The following EMC10 variants were observed in gnomAD, a reference collection of about 807,000 sequenced individuals.
EMC10 encodes the protein UPF0510 protein INM02.
A neutral mutation model predicts 32.2 loss-of-function variants in EMC10; 40 were observed. That is an observed-to-expected ratio of 1.24 (90% CI 0.96 to 1.61). The LOEUF (loss-of-function observed/expected upper bound fraction) is 1.61, where lower values mean the gene tolerates loss of function less well. Ranked by LOEUF, EMC10 falls within the 40% of genes most tolerant of loss-of-function variation. EMC10 has a pLI of 0.00. For missense variants in EMC10, 402 were observed against 357.7 expected (o/e 1.12, Z -1.00); for synonymous variants, 178 against 158.4 (o/e 1.12, Z -0.93).
chr19:50,479,261 C>T (rs1253038341), intron 3 of EMC10, among the ~76,000 whole-genome samples, 195 bp downstream of exon 3: 1 of 152,254 alleles, frequency 6.6e-6, no homozygotes, highest in Non-Finnish European at 1.5e-5. Flanking sequence ...TTAGCGCCGC[C>T]AGGCATGGTG....
Position 50,478,950 on chromosome 19 carries a change from C to A in EMC10, c.188-7C>A. The A allele has an allele frequency of 6.3e-7, 1 of 1,597,320 alleles. No homozygotes were observed. Among genetic ancestry groups the A allele is most frequent in the East Asian group, 2.3e-5 (1 of 44,000 alleles). On this transcript the variant is annotated splice_region_variant and splice_polypyrimidine_tract_variant and intron_variant, in intron 2 of 6. Transcript: ENST00000334976. ...AGGGGGCGTCTCTGAACCTGAGCTC[C>A]TCACAGATGACAGTGCCAACTTCCG...
chr19:50,483,201 G>T lies in EMC10; in HGVS notation c.*942G>T. 1 of 445,346 alleles carries T rather than the reference G, an allele frequency of 2.2e-6. No individual in the cohort carries two copies. The highest frequency in any genetic ancestry group is 4.5e-6 in the Non-Finnish European group (1 of 219,920). The allele number at this position is 445,346 out of a possible 1,614,324, so 27.6% of individuals were successfully genotyped here. A position where few individuals can be genotyped will look rare whatever the true frequency, so the allele number is the denominator to read the frequency against. ...AAGCAACTGTTGTTTTGGCAAGACG[G>T]TCCTGATGTACAAGCTTGATTGAAA... On this transcript the variant is annotated 3_prime_UTR_variant, in exon 7 of 7. Coordinates refer to ENST00000334976, the MANE Select transcript of EMC10 (RefSeq NM_206538.4).
In EMC10 at chr19:50,484,934, T is replaced by C. The variant is rs529122422; in HGVS notation, c.*2675T>C. 1.3e-5 allele frequency: 2 copies of C among 152,252 alleles called. No individual in the cohort carries two copies. Among genetic ancestry groups the C allele is most frequent in the South Asian group, 4.2e-4 (2 of 4,816 alleles). 9.4% of individuals were successfully genotyped at this position (152,252 alleles called of 1,614,324 possible). On this transcript the variant is annotated 3_prime_UTR_variant, in exon 7 of 7. Coordinates refer to ENST00000334976, the MANE Select transcript of EMC10 (RefSeq NM_206538.4). ...CCCTGGAGGCAGCCTGAGTTTTCTG[T>C]CCCCTGGTATGCTGCAGATACTCTC...
At position 50,490,677 on chromosome 19, in the gene EMC10, G is replaced by T. The variant is rs1978588639; in HGVS notation, c.*8418G>T. The T allele has an allele frequency of 1.3e-5, 2 of 152,096 alleles. No individual in the cohort carries two copies. The highest frequency in any genetic ancestry group is 4.1e-4 in the South Asian group (2 of 4,828). 9.4% of individuals were successfully genotyped at this position (152,096 alleles called of 1,614,324 possible). On this transcript the variant is annotated 3_prime_UTR_variant, in exon 7 of 7. Coordinates refer to ENST00000334976, the MANE Select transcript of EMC10 (RefSeq NM_206538.4). Reference sequence around the variant, plus strand: ...GGAACATGCCCTCCGCCTAGTCCCTGACATCCTTTTCACATCCAACACGCA... The same window carrying T: ...GGAACATGCCCTCCGCCTAGTCCCTTACATCCTTTTCACATCCAACACGCA...
At chr19:50,481,310 T>C (rs1624425) in intron 6 of EMC10, 10,685 of 293,188 alleles carry the variant, frequency 0.036, 518 homozygotes, top group African/African-American at 0.13. Context: ...AGCAGGTTCT[T>C]CAGGGGGTTG....
intron 6 of EMC10, chr19:50,481,818 A>G: frequency 6.7e-7 from 1 of 1,500,606 alleles, no homozygotes; most frequent in Non-Finnish European, 8.9e-7. Context: ...CTCAGGCCCC[A>G]CGGCAGCCCA....
At chr19:50,478,126 A>G (rs1262873583) in intron 2 of EMC10, 125 bp downstream of exon 2, 3 of 774,368 alleles carry the variant, frequency 3.9e-6, no homozygotes, top group East Asian at 3.0e-5. Flanking sequence ...GATTTGCCTC[A>G]GGTTAGGGGA....
chr19:50,479,619 A>T (rs894096712), intron 3 of EMC10, among the ~76,000 whole-genome samples: 1 of 151,986 alleles, frequency 6.6e-6, no homozygotes, highest in East Asian at 1.9e-4. Flanking sequence ...ACCCACTTCC[A>T]CCCATCAGCC....
Position 50,480,666 on chromosome 19 carries a change from C to T in EMC10, c.488C>T (p.Thr163Met), listed in dbSNP as rs541092452. The T allele has an allele frequency of 4.9e-5, 78 of 1,598,178 alleles. No individual in the cohort carries two copies. The highest frequency in any genetic ancestry group is 7.9e-5 in the South Asian group (7 of 88,530). The change falls in exon 5 of 7, where the codon ACG becomes ATG. Residue 163 changes from threonine (T) to methionine (M), a missense_variant. Physicochemically the swap from Thr to Met is moderately conservative, Grantham distance 81. Transcript: ENST00000334976. The surrounding 1 kb of genome is among the most constrained non-coding windows in gnomAD (Gnocchi z 4.4). The stretch of plus-strand genomic sequence containing the variant: ...AACGTGGTGGGCGTGTCGGTGGTGA[C>T]GCACCCCGGGGGCTGCCGGGGCCAT... ...AGNVVGVSVV[T>M]HPGGCRGHEV...
intron 6 of EMC10, chr19:50,481,363 AGGGAG>A (rs2040316786): frequency 4.5e-6 from 1 of 222,134 alleles, no homozygotes; most frequent in Non-Finnish European, 8.8e-6. Context: ...GATGTGGCCC[AGGGAG>A]GGGCATTGGG....
chr19:50,481,044 A>G, intron 6 of EMC10, 67 bp downstream of exon 6: 2 of 1,290,770 alleles, frequency 1.5e-6, no homozygotes, highest in Non-Finnish European at 1.1e-6. Context: ...CAGGCCCTCC[A>G]TGCTCCCACC....
Position 50,476,599 on chromosome 19 carries a change from G to A in EMC10, c.55G>A (p.Val19Ile). ...GCTGCTCCTGCTCTTGCTGATGGCGGTAGCAGCGCCCAGTCGAGCCCGGGG... is the reference window on the plus strand; with the variant it reads ...GCTGCTCCTGCTCTTGCTGATGGCGATAGCAGCGCCCAGTCGAGCCCGGGG... Reference protein sequence around the residue: ...TRLLLLLLMAVAAPSRARGSG... With the variant: ...TRLLLLLLMAIAAPSRARGSG... The change falls in exon 1 of 7, where the codon GTA becomes ATA. Residue 19 changes from valine (V) to isoleucine (I), a missense_variant. Physicochemically the swap from Val to Ile is conservative, Grantham distance 29 (BLOSUM62 3). Coordinates refer to ENST00000334976, the MANE Select transcript of EMC10 (RefSeq NM_206538.4). The A allele has an allele frequency of 1.9e-6, 3 of 1,570,548 alleles. No homozygotes were observed. The highest frequency in any genetic ancestry group is 2.6e-6 in the Non-Finnish European group (3 of 1,163,838).
Position 50,489,146 on chromosome 19 carries a change from A to G in EMC10, c.*6887A>G, listed in dbSNP as rs1382683780. 6.6e-6 allele frequency: 1 copy of G among 152,310 alleles called. No individual in the cohort carries two copies. The highest frequency in any genetic ancestry group is 6.6e-5 in the Admixed American group (1 of 15,220). 9.4% of individuals were successfully genotyped at this position (152,310 alleles called of 1,614,324 possible). A position where few individuals can be genotyped will look rare whatever the true frequency, so the allele number is the denominator to read the frequency against. On this transcript the variant is annotated 3_prime_UTR_variant, in exon 7 of 7. Coordinates refer to ENST00000334976, the MANE Select transcript of EMC10 (RefSeq NM_206538.4). ...AGGAGAGAGACAGACATTAGGGAAGAAGGAAAGGAGAAAGGAAAAAATACA... is the reference window on the plus strand; with the variant it reads ...AGGAGAGAGACAGACATTAGGGAAGGAGGAAAGGAGAAAGGAAAAAATACA...
At chr19:50,481,599 G>C in intron 6 of EMC10, 2 of 517,738 alleles carry the variant, frequency 3.9e-6, no homozygotes, top group Non-Finnish European at 6.8e-6. Context: ...CCAGCGAAGA[G>C]GTCTGTGTGG....
intron 2 of EMC10, 54 bp from the exon 3 acceptor site, chr19:50,478,903 T>C: frequency 7.8e-7 from 1 of 1,275,970 alleles, no homozygotes; most frequent in South Asian, 1.3e-5. Context: ...GGCCCCTGCC[T>C]GGGTTGAAGG....
At position 50,482,606 on chromosome 19, in the gene EMC10, A is replaced by G; in HGVS notation, c.*347A>G. 1 of 487,944 alleles carries G rather than the reference A, an allele frequency of 2.0e-6. No homozygotes were observed. The highest frequency in any genetic ancestry group is 4.1e-5 in the South Asian group (1 of 24,242). The allele number at this position is 487,944 out of a possible 1,614,324, so 30.2% of individuals were successfully genotyped here. A position where few individuals can be genotyped will look rare whatever the true frequency, so the allele number is the denominator to read the frequency against. Reference sequence around the variant, plus strand: ...CCCCGAGCCCATGCAGTCTGGGAACATGCCGCCTTCTCTCCAGCCTCTGTG... The same window carrying G: ...CCCCGAGCCCATGCAGTCTGGGAACGTGCCGCCTTCTCTCCAGCCTCTGTG... On this transcript the variant is annotated 3_prime_UTR_variant, in exon 7 of 7. Transcript: ENST00000334976.
chr19:50,480,036 AGGCCTGGTG>A lies in EMC10; in HGVS notation c.298-71_298-63del. The A allele has an allele frequency of 2.4e-6, 3 of 1,234,162 alleles. No individual in the cohort carries two copies. Among genetic ancestry groups the A allele is most frequent in the Non-Finnish European group, 3.4e-6 (3 of 881,116 alleles). 76.5% of individuals were successfully genotyped at this position (1,234,162 alleles called of 1,614,324 possible). On this transcript the variant is annotated intron_variant, in intron 3 of 6. Coordinates refer to ENST00000334976, the MANE Select transcript of EMC10 (RefSeq NM_206538.4). This position sits in a 1 kb window ranked among gnomAD's most constrained non-coding sequence, Gnocchi z 4.4. ...TGGGGCTGGAGAGGGGCCTTCGCGG[AGGCCTGGTG>A]GGCATCACAGCCTGTCCAGGGCTGA...
At position 50,484,018 on chromosome 19, in the gene EMC10, C is replaced by CTTTTTTTTTTTTTTTTTTT. The variant is rs150801533; in HGVS notation, c.*1768_*1786dup. ...AGGATTCCAGAAATATTTACTAATG[C>CTTTTTTTTTTTTTTTTTTT]TTTTTTTTTTTTTTTTTTTTTTTTT... is the stretch of plus-strand genomic sequence containing the variant. On this transcript the variant is annotated 3_prime_UTR_variant, in exon 7 of 7. Coordinates refer to ENST00000334976, the MANE Select transcript of EMC10 (RefSeq NM_206538.4). The CTTTTTTTTTTTTTTTTTTT allele has an allele frequency of 1.1e-3, 56 of 50,778 alleles. 16 individuals carry two copies. The highest frequency in any genetic ancestry group is 1.5e-3 in the African/African-American group (16 of 10,732). 3.1% of individuals were successfully genotyped at this position (50,778 alleles called of 1,614,324 possible).
In EMC10 at chr19:50,482,552, T is replaced by G; in HGVS notation, c.*293T>G. 1.8e-6 allele frequency: 1 copy of G among 545,840 alleles called. No homozygotes were observed. Among genetic ancestry groups the G allele is most frequent in the Non-Finnish European group, 3.2e-6 (1 of 310,630 alleles). The allele number at this position is 545,840 out of a possible 1,614,324, so 33.8% of individuals were successfully genotyped here. On this transcript the variant is annotated 3_prime_UTR_variant, in exon 7 of 7. Coordinates refer to ENST00000334976, the MANE Select transcript of EMC10 (RefSeq NM_206538.4). ...GAGTAGAGCCCGAGATCCTGGCCAC[T>G]ATGCCAGTTCTGACCTCGCATCCCC...
Sources: allele counts gnomAD v4.1 joint callset (sites outside exome capture counted in the v4.1 genomes callset), GRCh38; gene constraint gnomAD v4.1.1; non-coding constraint Gnocchi (gnomAD v3.1); transcripts MANE v1.5; gene names NCBI Gene and HGNC (gene_info 2026-07-23, HGNC 2026-07-21).